The following KIAA1328 variants were observed in gnomAD, a reference collection of about 807,000 sequenced individuals.
The protein encoded by KIAA1328 is protein hinderin.
In KIAA1328, 52 loss-of-function variants were observed where a neutral mutation model predicts 68.1. That is an observed-to-expected ratio of 0.76 (90% CI 0.61 to 0.96). KIAA1328 has a LOEUF of 0.96. KIAA1328 is among the 40% of genes least tolerant of loss of function. The probability of loss-of-function intolerance (pLI) is 0.00; values close to 1 mark genes in which losing one functional copy is unlikely to be tolerated. For synonymous variants in KIAA1328, 232 were observed against 239.4 expected, an observed-to-expected ratio of 0.97 and a Z score of 0.28; for missense variants, 641 against 677.6, an observed-to-expected ratio of 0.95 and a Z score of 0.60.
chr18:37,031,095 T>G (rs921411906), intron 6 of KIAA1328, among the ~76,000 whole-genome samples: 1 of 152,202 alleles, frequency 6.6e-6, no homozygotes, highest in South Asian at 2.1e-4. Flanking sequence ...ATGGACATTT[T>G]GGTTGGTTCC....
Position 37,173,072 on chromosome 18 carries a change from C to A in KIAA1328, c.1514C>A (p.Thr505Asn), listed in dbSNP as rs751677814. ...ACAGCCTCACCATCATTACAGCACACCACCTCCCGGTAAGCTTCAGAGATT... is the reference window on the plus strand; with the variant it reads ...ACAGCCTCACCATCATTACAGCACAACACCTCCCGGTAAGCTTCAGAGATT... Reference protein sequence around the residue: ...VTTASPSLQHTTSRYETSLLD... With the variant: ...VTTASPSLQHNTSRYETSLLD... The change falls in exon 9 of 10, where the codon ACC becomes AAC. Residue 505 changes from threonine to asparagine, a missense_variant. Thr to Asn is a moderately conservative substitution (Grantham distance 65). Coordinates refer to ENST00000280020, the MANE Select transcript of KIAA1328 (RefSeq NM_020776.3). The A allele has an allele frequency of 4.4e-6, 7 of 1,608,770 alleles. No homozygotes were observed. In the African/African-American group the frequency reaches 9.4e-5, roughly 22 times the overall value.
chr18:37,003,120 G>A (rs2053651240), intron 6 of KIAA1328, among the ~76,000 whole-genome samples: 1 of 151,976 alleles, frequency 6.6e-6, no homozygotes, highest in African/African-American at 2.4e-5. Context: ...AAGTAGTGCT[G>A]GGAAAATTGT....
intron 6 of KIAA1328, among the ~76,000 whole-genome samples, chr18:36,994,146 G>A (rs2053299145): frequency 6.6e-6 from 1 of 152,032 alleles, no homozygotes. Flanking sequence ...AGTTGAGTTA[G>A]AAAATTAAAC....
At chr18:36,908,015 T>C (rs1299111119) in intron 5 of KIAA1328, among the ~76,000 whole-genome samples, 1 of 152,158 alleles carries the variant, frequency 6.6e-6, no homozygotes, top group Non-Finnish European at 1.5e-5. Context: ...AGTTTGTCTT[T>C]CAAGGAATTT....
chr18:36,960,585 G>T (rs1447606466), intron 6 of KIAA1328, among the ~76,000 whole-genome samples: 10 of 152,122 alleles, frequency 6.6e-5, no homozygotes, highest in Admixed American at 5.9e-4. Context: ...ACAGGCAGGT[G>T]CCCCTCTGGG....
intron 9 of KIAA1328, among the ~76,000 whole-genome samples, chr18:37,194,105 G>A (rs1014641558): frequency 7.9e-5 from 12 of 152,148 alleles, no homozygotes; most frequent in African/African-American, 2.9e-4. Flanking sequence ...TTATACATGT[G>A]TGAGGATATC....
At chr18:37,059,516 G>A (rs531728065) in intron 6 of KIAA1328, among the ~76,000 whole-genome samples, 27 of 152,234 alleles carry the variant, frequency 1.8e-4, no homozygotes, top group Non-Finnish European at 2.9e-4. Context: ...TTAGAATGGC[G>A]ATCATTAAAA....
rs191628340 is a variant in KIAA1328 at position 37,105,475 on chromosome 18, T to C, written c.1232+37930T>C. ...CACTCTACGCTAGCCTGGGCAATGA[T>C]AGAATGAGACTCTGTCTTTTTGAAG... On this transcript the variant is annotated intron_variant, in intron 7 of 9. Coordinates refer to ENST00000280020, the MANE Select transcript of KIAA1328 (RefSeq NM_020776.3). 1.7e-4 allele frequency among the ~76,000 whole-genome samples: 20 copies of C among 118,744 alleles called. No homozygotes were observed. In the South Asian group the frequency reaches 3.2e-3, roughly 19 times the overall value. 77.9% of individuals were successfully genotyped at this position (118,744 alleles called of 152,430 possible).
At chr18:36,893,614 A>G (rs2048775632) in intron 5 of KIAA1328, among the ~76,000 whole-genome samples, 1 of 151,886 alleles carries the variant, frequency 6.6e-6, no homozygotes, top group South Asian at 2.1e-4. Context: ...GAGCCGCCAC[A>G]CCCAATAGAA....
At chr18:36,866,115 A>C (rs534832665) in intron 4 of KIAA1328, among the ~76,000 whole-genome samples, 1 of 151,524 alleles carries the variant, frequency 6.6e-6, no homozygotes, top group Admixed American at 6.6e-5. Flanking sequence ...CCCACTACCA[A>C]CTCCTGCATA....
chr18:36,933,175 A>G (rs930947285), intron 5 of KIAA1328, among the ~76,000 whole-genome samples: 16 of 152,118 alleles, frequency 1.1e-4, no homozygotes, highest in African/African-American at 3.6e-4. Context: ...TGTTATAAAT[A>G]TATACATATA....
intron 6 of KIAA1328, among the ~76,000 whole-genome samples, chr18:37,061,993 C>T (rs1006218489): frequency 3.3e-5 from 5 of 152,128 alleles, no homozygotes; most frequent in Admixed American, 6.5e-5. Context: ...TAATGGGAAA[C>T]ATTCTTTTGA....
At chr18:37,181,937 C>G (rs558479424) in intron 9 of KIAA1328, among the ~76,000 whole-genome samples, 2 of 152,324 alleles carry the variant, frequency 1.3e-5, no homozygotes, top group Admixed American at 1.3e-4. Context: ...AAATTTTACA[C>G]TCAGTAGTTC....
downstream of KIAA1328, chr18:37,225,360 T>G: frequency 2.1e-6 from 2 of 957,834 alleles, no homozygotes; most frequent in Non-Finnish European, 2.5e-6. Flanking sequence ...GAATTGTCCC[T>G]TGAACATCCC....
intron 5 of KIAA1328, chr18:36,955,813 A>G (rs1018187914): frequency 2.0e-5 from 3 of 151,718 alleles, no homozygotes; most frequent in African/African-American, 7.3e-5. Flanking sequence ...GTCTTTTCAC[A>G]GGGGCCTCTC....
At chr18:36,954,487 T>C (rs2051316932) in intron 5 of KIAA1328, 1 of 152,170 alleles carries the variant, frequency 6.6e-6, no homozygotes, top group Non-Finnish European at 1.5e-5. Context: ...CATTGAAAGA[T>C]GCATTTTCTT....
chr18:36,973,463 C>CA (rs1342952905), intron 6 of KIAA1328, among the ~76,000 whole-genome samples: 1 of 151,904 alleles, frequency 6.6e-6, no homozygotes, highest in African/African-American at 2.4e-5. Flanking sequence ...CCCTAGAACT[C>CA]AAAGTAAAAT....
intron 7 of KIAA1328, among the ~76,000 whole-genome samples, chr18:37,140,433 T>G: frequency 6.6e-6 from 1 of 152,090 alleles, no homozygotes. Context: ...CATTTAAAAT[T>G]TGCCATTAAA....
intron 5 of KIAA1328, among the ~76,000 whole-genome samples, chr18:36,934,427 A>C (rs1384587337): frequency 6.6e-6 from 1 of 152,042 alleles, no homozygotes; most frequent in Non-Finnish European, 1.5e-5. Context: ...GTCATTTAGC[A>C]TTAGTCATAT....
Sources: gnomAD v4.1 joint callset for allele counts (sites outside exome capture counted in the v4.1 genomes callset) on GRCh38, gnomAD v4.1.1 for gene constraint, MANE v1.5 for transcripts, NCBI Gene and HGNC (gene_info 2026-07-23, HGNC 2026-07-21) for gene names.